Variants in TMEM254 observed in about 807,000 individuals in gnomAD.
TMEM254 encodes the protein transmembrane protein 254.
Under a neutral mutation model 13.9 loss-of-function variants are expected in TMEM254, and 16 were observed. The observed-to-expected ratio is 1.15, with a 90% CI of 0.78 to 1.75. TMEM254 has a LOEUF of 1.75. Ranked by LOEUF, TMEM254 falls within the 40% of genes most tolerant of loss-of-function variation. TMEM254 has a pLI of 0.00. For synonymous variants in TMEM254, 61 were observed against 56.4 expected (o/e 1.08, Z -0.36); for missense variants, 155 against 149.0 (o/e 1.04, Z -0.21).
In TMEM254 at chr10:80,092,550, T is replaced by C. The variant is rs1844608921; in HGVS notation, c.*1633T>C. 1 of 152,234 alleles carries C rather than the reference T, an allele frequency of 6.6e-6. No homozygotes were observed. The highest frequency in any genetic ancestry group is 2.4e-5 in the African/African-American group (1 of 41,462). The allele number at this position is 152,234 out of a possible 1,614,324, so 9.4% of individuals were successfully genotyped here. On this transcript the variant is annotated 3_prime_UTR_variant, in exon 4 of 4. Coordinates refer to ENST00000372281, the MANE Select transcript of TMEM254 (RefSeq NM_025125.4). ...TGAATAAAATGCTGTGAATTTTCTC[T>C]AGCTGAATGCTTTTCTTGTATTTGT...
chr10:80,082,164 A>G lies in TMEM254; in HGVS notation c.211A>G (p.Ile71Val), dbSNP rs768612170. ...LCNGYWLAWLIHVGESLYAIV... is the reference protein window; with the variant it reads ...LCNGYWLAWLVHVGESLYAIV... Reference sequence around the variant, plus strand: ...TTTCAGGTATTGGCTTGCCTGGCTGATTCATGTGGGAGAGTCCTTGTATGC... The same window carrying G: ...TTTCAGGTATTGGCTTGCCTGGCTGGTTCATGTGGGAGAGTCCTTGTATGC... The change falls in exon 3 of 4, where the codon ATT (isoleucine) becomes GTT (valine). Residue 71 changes from isoleucine (I) to valine (V), a missense_variant. Physicochemically the swap from Ile to Val is conservative, Grantham distance 29. Coordinates refer to ENST00000372281, the MANE Select transcript of TMEM254 (RefSeq NM_025125.4). 6.2e-7 allele frequency: 1 copy of G among 1,614,196 alleles called. No individual in the cohort carries two copies. Among genetic ancestry groups the G allele is most frequent in the East Asian group, 2.2e-5 (1 of 44,884 alleles).
rs957973522 is a variant in TMEM254 at position 80,086,145 on chromosome 10, A to G, written c.251+3941A>G. On this transcript the variant is annotated intron_variant, in intron 3 of 3. Coordinates refer to ENST00000372281, the MANE Select transcript of TMEM254 (RefSeq NM_025125.4). Reference sequence around the variant, plus strand: ...AGTGTACTCACAAAGAGATTTTTGCATCTGCTTGGGTCTTGGTGGAATCAT... The same window carrying G: ...AGTGTACTCACAAAGAGATTTTTGCGTCTGCTTGGGTCTTGGTGGAATCAT... 5 of 808,680 alleles carry G rather than the reference A, an allele frequency of 6.2e-6. No individual in the cohort carries two copies. In the South Asian group the frequency reaches 1.4e-4, roughly 23 times the overall value. 50.1% of individuals were successfully genotyped at this position (808,680 alleles called of 1,614,324 possible). A position where few individuals can be genotyped will look rare whatever the true frequency, so the allele number is the denominator to read the frequency against.
rs1564576952 is a variant in TMEM254, at chr10:80,092,351, C to T, written c.*1434C>T. 6.6e-6 allele frequency: 1 copy of T among 152,192 alleles called. No homozygotes were observed. The highest frequency in any genetic ancestry group is 6.5e-5 in the Admixed American group (1 of 15,282). 9.4% of individuals were successfully genotyped at this position (152,192 alleles called of 1,614,324 possible). On this transcript the variant is annotated 3_prime_UTR_variant, in exon 4 of 4. Coordinates refer to ENST00000372281, the MANE Select transcript of TMEM254 (RefSeq NM_025125.4). ...ATATCTCAGTCTTCCCTCTGTTTCT[C>T]TGGTGATTAAGAAGTTCCTTTTTGG...
At chr10:80,086,251 G>A (rs745662144) in intron 3 of TMEM254, 32 of 1,471,492 alleles carry the variant, frequency 2.2e-5, no homozygotes, top group Middle Eastern at 1.7e-4. Flanking sequence ...CTAAGAATAC[G>A]GATAAAGGTA....
chr10:80,080,153 G>A (rs1843910734), intron 1 of TMEM254, among the ~76,000 whole-genome samples: 1 of 152,212 alleles, frequency 6.6e-6, no homozygotes, highest in Non-Finnish European at 1.5e-5. Flanking sequence ...ATAGTTGGAG[G>A]AAAGCTTTGG....
chr10:80,087,342 T>C (rs1402530138), intron 3 of TMEM254, among the ~76,000 whole-genome samples: 24 of 152,230 alleles, frequency 1.6e-4, no homozygotes, highest in African/African-American at 5.3e-4. Flanking sequence ...AATTTGAAGA[T>C]TAAAGAATGA....
intron 3 of TMEM254, chr10:80,090,241 A>G: frequency 1.7e-6 from 1 of 600,594 alleles, no homozygotes; most frequent in Non-Finnish European, 3.1e-6. Flanking sequence ...CATTTTAGGC[A>G]GTTGAATTTG....
chr10:80,085,322 G>A (rs1844258734), intron 3 of TMEM254, among the ~76,000 whole-genome samples: 1 of 152,088 alleles, frequency 6.6e-6, no homozygotes, highest in Non-Finnish European at 1.5e-5. Flanking sequence ...CACTTGGGGA[G>A]GCTGAGGCAG....
At chr10:80,088,847 G>A (rs953818582) in intron 3 of TMEM254, among the ~76,000 whole-genome samples, 3 of 151,570 alleles carry the variant, frequency 2.0e-5, no homozygotes, top group Non-Finnish European at 4.4e-5. Flanking sequence ...ATCCACCTGC[G>A]TCGGTCTCCC....
At chr10:80,082,419 T>C (rs968170640) in intron 3 of TMEM254, among the ~76,000 whole-genome samples, 3 of 152,224 alleles carry the variant, frequency 2.0e-5, no homozygotes, top group Non-Finnish European at 4.4e-5. Context: ...ACCAATTACT[T>C]AGTTATCTAA....
At chr10:80,081,075 A>G (rs1266370419) in intron 1 of TMEM254, among the ~76,000 whole-genome samples, 2 of 150,688 alleles carry the variant, frequency 1.3e-5, no homozygotes, top group African/African-American at 2.4e-5. Flanking sequence ...GTGAAACTCC[A>G]TCTAAAATAA....
intron 3 of TMEM254, among the ~76,000 whole-genome samples, chr10:80,084,684 A>G (rs1844222949): frequency 6.6e-6 from 1 of 152,208 alleles, no homozygotes; most frequent in Non-Finnish European, 1.5e-5. Context: ...TGGCCTCTGC[A>G]GCATCGCAGT....
At position 80,078,729 on chromosome 10, in the gene TMEM254, T is replaced by C. The variant is rs751902920; in HGVS notation, c.30T>C (p.Phe10=). 1.9e-6 allele frequency: 3 copies of C among 1,607,770 alleles called. No homozygotes were observed. Among genetic ancestry groups the C allele is most frequent in the Non-Finnish European group, 2.5e-6 (3 of 1,177,932 alleles). The change falls in exon 1 of 4, where the codon TTT becomes TTC. Residue 10 remains phenylalanine, a synonymous_variant. Coordinates refer to ENST00000372281, the MANE Select transcript of TMEM254 (RefSeq NM_025125.4). MATAAGATY[F]QRGSLFWFTV... ...CTACGGCAGCCGGCGCGACCTACTT[T>C]CAGCGAGGCAGTCTGTTCTGGTTCA...
At position 80,091,333 on chromosome 10, in the gene TMEM254, C is replaced by T. The variant is rs1488526482; in HGVS notation, c.*416C>T. The T allele has an allele frequency of 6.5e-6, 1 of 154,826 alleles. No homozygotes were observed. The highest frequency in any genetic ancestry group is 1.4e-5 in the Non-Finnish European group (1 of 69,962). 9.6% of individuals were successfully genotyped at this position (154,826 alleles called of 1,614,324 possible). A position where few individuals can be genotyped will look rare whatever the true frequency, so the allele number is the denominator to read the frequency against. On this transcript the variant is annotated 3_prime_UTR_variant, in exon 4 of 4. Coordinates refer to ENST00000372281, the MANE Select transcript of TMEM254 (RefSeq NM_025125.4). ...TTCCTCTCCTTTCCAAAGCTCTTTC[C>T]ACCTTGCTGCACTAAGATAAAGTGA...
At chr10:80,084,882 G>A in intron 3 of TMEM254, among the ~76,000 whole-genome samples, 1 of 152,050 alleles carries the variant, frequency 6.6e-6, no homozygotes, top group East Asian at 1.9e-4. Context: ...CTGGAGTGCA[G>A]TGGTGCAATC....
At chr10:80,090,565 G>A (rs1022697483) in intron 3 of TMEM254, 2 of 634,652 alleles carry the variant, frequency 3.2e-6, no homozygotes, top group Non-Finnish European at 2.9e-6. Flanking sequence ...GCCCTAGACA[G>A]TAGCCAGACT....
intron 3 of TMEM254, chr10:80,090,360 C>T (rs1271786030): frequency 5.6e-6 from 4 of 717,426 alleles, no homozygotes; most frequent in Non-Finnish European, 2.6e-6. Context: ...GAGATAGCTA[C>T]TGCTGTTCCT....
chr10:80,088,097 A>G (rs1038190790), intron 3 of TMEM254, among the ~76,000 whole-genome samples: 1 of 152,062 alleles, frequency 6.6e-6, no homozygotes, highest in Admixed American at 6.6e-5. Context: ...CCGTTATCCC[A>G]GAGCTACTTA....
chr10:80,090,067 G>T (rs1424137535), intron 3 of TMEM254, among the ~76,000 whole-genome samples: 1 of 151,022 alleles, frequency 6.6e-6, no homozygotes, highest in African/African-American at 2.4e-5. Flanking sequence ...ATATTCATAT[G>T]ATCTTTCTGT....
Sources: allele counts gnomAD v4.1 joint callset (sites outside exome capture counted in the v4.1 genomes callset), GRCh38; gene constraint gnomAD v4.1.1; transcripts MANE v1.5; gene names NCBI Gene and HGNC (gene_info 2026-07-23, HGNC 2026-07-21).